Variants in EML6 observed in about 807,000 individuals in gnomAD.
EML6 encodes EMAP like 6, also known as echinoderm microtubule-associated protein-like 6.
In EML6, 154 loss-of-function variants were observed where a neutral mutation model predicts 240.1. The ratio of observed to expected loss-of-function variants is 0.64; its 90% confidence interval spans 0.56 to 0.73. The LOEUF (loss-of-function observed/expected upper bound fraction) is 0.73. Among genes scored for constraint, EML6 ranks in the 30% least tolerant of loss-of-function variants. The pLI is 0.00. For synonymous variants in EML6, 1,148 were observed against 899.0 expected (o/e 1.28, Z -4.95); for missense variants, 2,964 against 2,474.6 (o/e 1.20, Z -4.20).
intron 26 of EML6, among the ~76,000 whole-genome samples, chr2:54,920,590 T>C (rs781474633): frequency 6.6e-6 from 1 of 152,074 alleles, no homozygotes; most frequent in Non-Finnish European, 1.5e-5. Flanking sequence ...GAAAAAATAT[T>C]GCCAATCCTT....
chr2:54,952,475 G>A, intron 30 of EML6, 119 bp from the exon 31 acceptor site: 1 of 587,898 alleles, frequency 1.7e-6, no homozygotes, highest in Non-Finnish European at 2.9e-6. Flanking sequence ...GTGAGAATTT[G>A]AGGGCTGTAA....
In EML6 at chr2:54,970,058, T is replaced by G; in HGVS notation, c.5853-13T>G. On this transcript the variant is annotated splice_polypyrimidine_tract_variant and intron_variant, in intron 41 of 41. Coordinates refer to ENST00000356458, the MANE Select transcript of EML6 (RefSeq NM_001039753.4). ...CCAGCTATGCAAAATGACTGTTTGA[T>G]CTGCCTTTTCAGTGTATTTGTGTGG... 6.4e-7 allele frequency: 1 copy of G among 1,551,724 alleles called. No individual in the cohort carries two copies. Among genetic ancestry groups the G allele is most frequent in the Non-Finnish European group, 8.7e-7 (1 of 1,146,964 alleles).
chr2:54,821,975 A>C (rs189525213), intron 5 of EML6, among the ~76,000 whole-genome samples: 3 of 152,302 alleles, frequency 2.0e-5, no homozygotes, highest in African/African-American at 7.2e-5. Flanking sequence ...ATATTAAAAT[A>C]TTCTGTATAA....
intron 26 of EML6, among the ~76,000 whole-genome samples, chr2:54,921,581 CT>C (rs1234491222): frequency 5.3e-5 from 8 of 152,052 alleles, no homozygotes; most frequent in African/African-American, 1.7e-4. Context: ...GAAAAACAAC[CT>C]TAAAATGTGT....
chr2:54,825,753 C>A (rs1668557995), intron 5 of EML6, among the ~76,000 whole-genome samples: 1 of 152,196 alleles, frequency 6.6e-6, no homozygotes, highest in African/African-American at 2.4e-5. Context: ...AGGACAGCCC[C>A]CCACCCCCAG....
intron 2 of EML6, among the ~76,000 whole-genome samples, chr2:54,755,326 G>T (rs1446175428): frequency 6.6e-6 from 1 of 152,182 alleles, no homozygotes; most frequent in Non-Finnish European, 1.5e-5. Context: ...CTTCAGAGTT[G>T]TCTTGAGTAT....
At chr2:54,894,894 C>G (rs1672678930) in intron 19 of EML6, 21 bp from the exon 20 acceptor site, 4 of 1,511,612 alleles carry the variant, frequency 2.6e-6, no homozygotes, top group Non-Finnish European at 2.7e-6. Context: ...TATATAATAC[C>G]TCTCATGTGT....
intron 26 of EML6, among the ~76,000 whole-genome samples, chr2:54,919,907 C>T (rs1244286635): frequency 1.3e-5 from 2 of 152,200 alleles, no homozygotes; most frequent in African/African-American, 4.8e-5. Context: ...AACAAAGTTA[C>T]ACTATGTTTT....
chr2:54,961,184 G>GTTGTTTTTT lies in EML6; in HGVS notation c.4968+852_4968+853insGTTTTTTTT. Among the ~76,000 whole-genome samples, 328 of 55,412 alleles carry GTTGTTTTTT rather than the reference G, an allele frequency of 5.9e-3. 124 individuals are homozygous for GTTGTTTTTT. Among genetic ancestry groups the GTTGTTTTTT allele is most frequent in the Middle Eastern group, 0.041 (3 of 74 alleles). The allele number at this position is 55,412 out of a possible 152,430, so 36.4% of individuals were successfully genotyped here. ...GGAGCCTGGAAGTTATCAGGAAGTA[G>GTTGTTTTTT]TTTTTTTTTTTTTTTTTTTGAGACG... On this transcript the variant is annotated intron_variant, in intron 35 of 41. Coordinates refer to ENST00000356458, the MANE Select transcript of EML6 (RefSeq NM_001039753.4).
chr2:54,931,683 T>C (rs938005963), intron 28 of EML6, among the ~76,000 whole-genome samples: 4 of 152,196 alleles, frequency 2.6e-5, no homozygotes, highest in Non-Finnish European at 4.4e-5. Flanking sequence ...TCTAAACACT[T>C]GGTTCAAGAC....
At chr2:54,917,866 A>G (rs571429119) in intron 26 of EML6, among the ~76,000 whole-genome samples, 4 of 152,268 alleles carry the variant, frequency 2.6e-5, no homozygotes, top group African/African-American at 7.2e-5. Context: ...CAGTTTATCA[A>G]TTCTTCCTTC....
At chr2:54,770,315 T>C (rs1455653234) in intron 2 of EML6, among the ~76,000 whole-genome samples, 1 of 152,206 alleles carries the variant, frequency 6.6e-6, no homozygotes, top group East Asian at 1.9e-4. Context: ...GCTGGGACCG[T>C]TGGACATTTG....
At chr2:54,907,628 A>G (rs2104259067) in intron 24 of EML6, among the ~76,000 whole-genome samples, 1 of 152,254 alleles carries the variant, frequency 6.6e-6, no homozygotes, top group African/African-American at 2.4e-5. Flanking sequence ...CTAACTTGTA[A>G]ATTATATAGC....
chr2:54,933,085 A>G (rs887307954), intron 28 of EML6, among the ~76,000 whole-genome samples: 1 of 151,952 alleles, frequency 6.6e-6, no homozygotes, highest in Non-Finnish European at 1.5e-5. Flanking sequence ...GGGTTATTAC[A>G]GTTCTTCAGG....
intron 2 of EML6, among the ~76,000 whole-genome samples, chr2:54,812,320 C>G (rs1299311945): frequency 9.6e-6 from 1 of 104,266 alleles, no homozygotes; most frequent in Non-Finnish European, 1.9e-5. Context: ...ATGCCAAACA[C>G]TGAAAAAAAA....
At chr2:54,962,249 A>T (rs1398442068) in intron 35 of EML6, among the ~76,000 whole-genome samples, 1 of 151,902 alleles carries the variant, frequency 6.6e-6, no homozygotes, top group East Asian at 2.0e-4. Context: ...GGCCAAATAG[A>T]CATAAAATTG....
At chr2:54,958,485 C>T (rs1437746769) in intron 33 of EML6, among the ~76,000 whole-genome samples, 1 of 151,496 alleles carries the variant, frequency 6.6e-6, no homozygotes, top group Non-Finnish European at 1.5e-5. Context: ...AGCCACCTCG[C>T]CTGGCCAATA....
chr2:54,883,972 C>T (rs1217881898), intron 17 of EML6, among the ~76,000 whole-genome samples: 1 of 152,212 alleles, frequency 6.6e-6, no homozygotes, highest in Non-Finnish European at 1.5e-5. Flanking sequence ...CGTTTTCTCA[C>T]TCAACAACAA....
intron 24 of EML6, among the ~76,000 whole-genome samples, chr2:54,908,054 C>G (rs1673442100): frequency 6.6e-6 from 1 of 151,866 alleles, no homozygotes. Flanking sequence ...TTTCCTCATG[C>G]TTAAGAAACA....
Sources: gnomAD v4.1 joint callset for allele counts (sites outside exome capture counted in the v4.1 genomes callset) on GRCh38, gnomAD v4.1.1 for gene constraint, MANE v1.5 for transcripts, NCBI Gene and HGNC (gene_info 2026-07-23, HGNC 2026-07-21) for gene names.